Variants in DEPTOR observed in about 807,000 individuals in gnomAD.
DEPTOR encodes the protein DEP domain containing MTOR interacting protein.
Under a neutral mutation model 41.6 loss-of-function variants are expected in DEPTOR, and 41 were observed. That is an observed-to-expected ratio of 0.98 (90% confidence interval 0.77 to 1.28). The LOEUF (loss-of-function observed/expected upper bound fraction) is 1.28, where lower values mean the gene tolerates loss of function less well. Among genes scored for constraint, DEPTOR ranks in the 50% most tolerant of loss-of-function variants. The pLI, the probability that DEPTOR is intolerant of heterozygous loss-of-function variation, is 0.00. For synonymous variants in DEPTOR, 195 were observed against 192.3 expected, an observed-to-expected ratio of 1.01 and a Z score of -0.12; for missense variants, 514 against 527.9, an observed-to-expected ratio of 0.97 and a Z score of 0.26.
At chr8:119,933,811 G>T (rs1279181916) in intron 3 of DEPTOR, among the ~76,000 whole-genome samples, 1 of 152,114 alleles carries the variant, frequency 6.6e-6, no homozygotes, top group African/African-American at 2.4e-5. Context: ...ATAGGACTTT[G>T]TGAAACTTTG....
intron 8 of DEPTOR, among the ~76,000 whole-genome samples, chr8:120,025,037 C>G (rs1586662885): frequency 6.6e-6 from 1 of 152,158 alleles, no homozygotes; most frequent in East Asian, 1.9e-4. Flanking sequence ...ACTGAGGATC[C>G]AGTTGTGAGC....
At chr8:119,929,657 T>C (rs1828014502) in intron 2 of DEPTOR, among the ~76,000 whole-genome samples, 158 bp from the exon 3 acceptor site, 1 of 152,214 alleles carries the variant, frequency 6.6e-6, no homozygotes, top group Non-Finnish European at 1.5e-5. Flanking sequence ...CCAAGTACTA[T>C]GTAACTATTT....
intron 8 of DEPTOR, among the ~76,000 whole-genome samples, chr8:120,037,691 C>T (rs1173674171): frequency 6.6e-6 from 1 of 152,152 alleles, no homozygotes; most frequent in African/African-American, 2.4e-5. Flanking sequence ...GGGGAGAGAA[C>T]TTCCTCCTTC....
intron 3 of DEPTOR, among the ~76,000 whole-genome samples, chr8:119,964,127 GCCA>G (rs1160539192): frequency 6.6e-6 from 1 of 152,120 alleles, no homozygotes; most frequent in Non-Finnish European, 1.5e-5. Flanking sequence ...GGGCACTAAT[GCCA>G]CCACGATGGC....
intron 1 of DEPTOR, among the ~76,000 whole-genome samples, chr8:119,890,320 T>C (rs1466551479): frequency 6.7e-6 from 1 of 149,798 alleles, no homozygotes; most frequent in Non-Finnish European, 1.5e-5. Context: ...TGTTGTTGTT[T>C]GAGACAGGGT....
At chr8:119,996,004 T>C (rs1377711519) in intron 4 of DEPTOR, among the ~76,000 whole-genome samples, 1 of 152,216 alleles carries the variant, frequency 6.6e-6, no homozygotes, top group African/African-American at 2.4e-5. Context: ...AAACTTTTAA[T>C]GAAAGACAGA....
intron 4 of DEPTOR, among the ~76,000 whole-genome samples, chr8:119,981,380 G>A (rs10111725): frequency 0.052 from 7,929 of 152,164 alleles, 301 homozygotes; most frequent in South Asian, 0.16. Context: ...ATGTAGGATG[G>A]GCACAGTGGC....
At chr8:120,028,815 T>G (rs895315358) in intron 8 of DEPTOR, among the ~76,000 whole-genome samples, 4 of 151,308 alleles carry the variant, frequency 2.6e-5, no homozygotes, top group Non-Finnish European at 5.9e-5. Flanking sequence ...CCGGGCACAG[T>G]GGCTCCTGCC....
intron 8 of DEPTOR, among the ~76,000 whole-genome samples, chr8:120,021,743 C>T (rs7821842): frequency 0.81 from 123,258 of 152,102 alleles, 50,016 homozygotes; most frequent in African/African-American, 0.82. Context: ...CTTCATGGCA[C>T]AGTCATGGGG....
chr8:119,984,854 G>A (rs760115910), intron 4 of DEPTOR, among the ~76,000 whole-genome samples: 21 of 152,072 alleles, frequency 1.4e-4, no homozygotes, highest in Non-Finnish European at 2.2e-4. Context: ...ACTGTCTTCC[G>A]CAATGATTGA....
intron 8 of DEPTOR, among the ~76,000 whole-genome samples, chr8:120,040,264 A>C (rs960913348): frequency 7.9e-5 from 12 of 152,150 alleles, no homozygotes; most frequent in Non-Finnish European, 1.6e-4. Context: ...GAGCATTTAA[A>C]CTAACTTTTG....
intron 4 of DEPTOR, among the ~76,000 whole-genome samples, chr8:119,994,427 T>C (rs1440322508): frequency 1.3e-5 from 2 of 152,218 alleles, no homozygotes; most frequent in African/African-American, 4.8e-5. Flanking sequence ...ATCTTTGACT[T>C]TCATAATCTA....
chr8:119,977,639 T>C (rs979352219), intron 4 of DEPTOR, among the ~76,000 whole-genome samples: 1 of 152,182 alleles, frequency 6.6e-6, no homozygotes, highest in Admixed American at 6.5e-5. Context: ...AAGGAACAGG[T>C]TGCTTGATAG....
intron 1 of DEPTOR, among the ~76,000 whole-genome samples, chr8:119,918,523 C>T (rs1356596096): frequency 6.6e-6 from 1 of 152,086 alleles, no homozygotes; most frequent in African/African-American, 2.4e-5. Context: ...TGCAATGGCA[C>T]AATCTCGGCT....
chr8:119,990,959 C>T (rs937972438), intron 4 of DEPTOR, among the ~76,000 whole-genome samples: 15 of 152,054 alleles, frequency 9.9e-5, no homozygotes, highest in Admixed American at 5.2e-4. Context: ...AAATAGGGCT[C>T]CTTCAACTAT....
intron 8 of DEPTOR, among the ~76,000 whole-genome samples, chr8:120,010,778 G>A (rs1333921026): frequency 1.3e-5 from 2 of 152,074 alleles, no homozygotes; most frequent in Non-Finnish European, 2.9e-5. Context: ...TGTGTAATTG[G>A]CATCCTATAA....
intron 3 of DEPTOR, among the ~76,000 whole-genome samples, chr8:119,937,343 G>A (rs1037026619): frequency 6.6e-6 from 1 of 152,028 alleles, no homozygotes; most frequent in African/African-American, 2.4e-5. Context: ...GAGTTGCAGT[G>A]ACCCATGATT....
At chr8:119,953,260 G>T (rs891197858) in intron 3 of DEPTOR, among the ~76,000 whole-genome samples, 1 of 152,138 alleles carries the variant, frequency 6.6e-6, no homozygotes, top group Non-Finnish European at 1.5e-5. Context: ...TTATGCTAGG[G>T]TTCAAGAAAT....
intron 3 of DEPTOR, among the ~76,000 whole-genome samples, chr8:119,955,376 C>G (rs748186483): frequency 1.1e-4 from 17 of 151,912 alleles, no homozygotes; most frequent in East Asian, 1.9e-4. Context: ...CCTATGGAAA[C>G]TTGCTACTTA....
Sources: allele counts gnomAD v4.1 joint callset (sites outside exome capture counted in the v4.1 genomes callset), GRCh38; gene constraint gnomAD v4.1.1; transcripts MANE v1.5; gene names NCBI Gene and HGNC (gene_info 2026-07-23, HGNC 2026-07-21).